The following GRM7 variants were observed in gnomAD, a reference collection of about 807,000 sequenced individuals.
GRM7 encodes the protein metabotropic glutamate receptor 7.
GRM7 carries 35 observed loss-of-function variants against 84.5 expected under a neutral mutation model. That is an observed-to-expected ratio of 0.41 (90% confidence interval 0.32 to 0.55). The LOEUF (loss-of-function observed/expected upper bound fraction) is 0.55. GRM7 is among the 20% of genes least tolerant of loss of function. GRM7 has a pLI of 0.19. For missense variants in GRM7, 1,003 were observed against 1,194.6 expected (o/e 0.84, Z 2.36); for synonymous variants, 487 against 455.1 (o/e 1.07, Z -0.89).
chr3:7,572,824 ATATATATATATATATATAT>A (rs1694746571), intron 7 of GRM7, among the ~76,000 whole-genome samples: 1 of 59,700 alleles, frequency 1.7e-5, no homozygotes, highest in Admixed American at 1.9e-4. Context: ...TCTATCTCAA[ATATATATATATATATATAT>A]ATATATATAT....
At position 6,964,079 on chromosome 3, in the gene GRM7, T is replaced by C. The variant is rs1348474064; in HGVS notation, c.519+102172T>C. Reference sequence around the variant, plus strand: ...TTCCTTACTCAATGCTTAATTGAAATTGTTATTTTGAAGATCAGCAATAGC... The same window carrying C: ...TTCCTTACTCAATGCTTAATTGAAACTGTTATTTTGAAGATCAGCAATAGC... On this transcript the variant is annotated intron_variant, in intron 1 of 9. Coordinates refer to ENST00000357716, the MANE Select transcript of GRM7 (RefSeq NM_000844.4). 2.0e-5 allele frequency among the ~76,000 whole-genome samples: 3 copies of C among 152,214 alleles called. No individual in the cohort carries two copies. The East Asian group carries it at 5.8e-4, about 29-fold the overall frequency.
chr3:7,291,886 A>T (rs532987652), intron 2 of GRM7, among the ~76,000 whole-genome samples: 2 of 152,264 alleles, frequency 1.3e-5, no homozygotes, highest in South Asian at 4.1e-4. Context: ...AGTGGGAGAT[A>T]ACTGAATCAT....
chr3:7,420,186 A>G (rs1258147316), intron 5 of GRM7, among the ~76,000 whole-genome samples: 1 of 152,174 alleles, frequency 6.6e-6, no homozygotes, highest in East Asian at 1.9e-4. Context: ...GAGCCTATAT[A>G]ATTCGTTAAC....
intron 1 of GRM7, among the ~76,000 whole-genome samples, chr3:7,093,718 A>G (rs1698754466): frequency 9.6e-6 from 1 of 103,666 alleles, no homozygotes; most frequent in Admixed American, 1.1e-4. Context: ...AAAAAAAGGT[A>G]GTTAGTGGCC....
intron 1 of GRM7, among the ~76,000 whole-genome samples, chr3:7,053,393 G>T (rs1457698436): frequency 2.0e-5 from 3 of 151,572 alleles, no homozygotes; most frequent in Middle Eastern, 3.4e-3. Flanking sequence ...TTTAAAAAAT[G>T]TTGAAGAAGT....
intron 8 of GRM7, among the ~76,000 whole-genome samples, chr3:7,648,421 C>T (rs531490861): frequency 1.4e-4 from 21 of 151,644 alleles, no homozygotes; most frequent in African/African-American, 2.4e-4. Context: ...CTGAGGCGGG[C>T]GGATCACCTG....
intron 7 of GRM7, among the ~76,000 whole-genome samples, chr3:7,464,682 G>T (rs1397803195): frequency 1.3e-5 from 2 of 151,944 alleles, no homozygotes; most frequent in East Asian, 3.9e-4. Context: ...AAAAAAATTA[G>T]CCGGGCATGG....
chr3:7,219,870 G>T (rs1027482841), intron 2 of GRM7, among the ~76,000 whole-genome samples: 16 of 152,176 alleles, frequency 1.1e-4, no homozygotes, highest in African/African-American at 3.9e-4. Context: ...TGATTCTGGA[G>T]TATCTTGTGG....
intron 9 of GRM7, among the ~76,000 whole-genome samples, chr3:7,719,434 G>A (rs1006691298): frequency 3.9e-5 from 6 of 152,100 alleles, no homozygotes; most frequent in African/African-American, 1.4e-4. Flanking sequence ...GGATTGTATT[G>A]AAGATCAATT....
chr3:7,165,991 T>C (rs189117256), intron 2 of GRM7, among the ~76,000 whole-genome samples: 2 of 152,340 alleles, frequency 1.3e-5, no homozygotes, highest in African/African-American at 4.8e-5. Context: ...AACTTGACTT[T>C]CATCAATATG....
intron 1 of GRM7, among the ~76,000 whole-genome samples, chr3:7,143,451 G>T (rs768745489): frequency 6.6e-6 from 1 of 152,012 alleles, no homozygotes; most frequent in South Asian, 2.1e-4. Flanking sequence ...GTCAAAATAA[G>T]TACCATTGGA....
At chr3:7,243,442 GT>G (rs1697636247) in intron 2 of GRM7, among the ~76,000 whole-genome samples, 2 of 152,022 alleles carry the variant, frequency 1.3e-5, no homozygotes, top group South Asian at 4.2e-4. Flanking sequence ...TGGCAAAATG[GT>G]TTCAGCACTT....
intron 1 of GRM7, among the ~76,000 whole-genome samples, chr3:7,100,025 A>G (rs1265769563): frequency 6.7e-6 from 1 of 149,018 alleles, no homozygotes; most frequent in African/African-American, 2.4e-5. Context: ...TGTAATATAC[A>G]TATATATGCA....
chr3:7,357,374 A>G (rs1238242215), intron 4 of GRM7, among the ~76,000 whole-genome samples: 2 of 151,968 alleles, frequency 1.3e-5, no homozygotes, highest in Non-Finnish European at 1.5e-5. Context: ...CTTAATTACA[A>G]TCACTTTTCC....
chr3:6,932,745 TTC>T (rs1401541813), intron 1 of GRM7, among the ~76,000 whole-genome samples: 1 of 142,316 alleles, frequency 7.0e-6, no homozygotes, highest in Non-Finnish European at 1.5e-5. Flanking sequence ...GTTTTCTTCT[TTC>T]TCTCTTTTTT....
At chr3:7,252,586 A>G (rs1698032190) in intron 2 of GRM7, among the ~76,000 whole-genome samples, 1 of 152,222 alleles carries the variant, frequency 6.6e-6, no homozygotes. Context: ...AGTTGTCAAC[A>G]TGGAAAACTT....
chr3:7,186,113 C>T (rs1695504286), intron 2 of GRM7, among the ~76,000 whole-genome samples: 1 of 152,186 alleles, frequency 6.6e-6, no homozygotes, highest in African/African-American at 2.4e-5. Flanking sequence ...CCTACTCTCC[C>T]AGCACTCTAC....
rs1272777094 is a variant in GRM7 at position 7,740,580 on chromosome 3, T to C, written c.*174T>C. The C allele has an allele frequency of 2.1e-6, 1 of 467,496 alleles. No homozygotes were observed. Among genetic ancestry groups the C allele is most frequent in the Admixed American group, 4.3e-5 (1 of 23,160 alleles). The allele number at this position is 467,496 out of a possible 1,614,324, so 29.0% of individuals were successfully genotyped here. ...TAAACAGCTGCTTTATGAAATATCC[T>C]TACTTTATCTGGGCTTAATAAGTCA... On this transcript the variant is annotated 3_prime_UTR_variant, in exon 10 of 10. Transcript: ENST00000357716.
chr3:6,906,297 G>C (rs1398542995), intron 1 of GRM7, among the ~76,000 whole-genome samples: 1 of 152,118 alleles, frequency 6.6e-6, no homozygotes, highest in Admixed American at 6.6e-5. Flanking sequence ...TGGGCAGCTG[G>C]AACAAGTTAC....
Sources: gnomAD v4.1 joint callset for allele counts (sites outside exome capture counted in the v4.1 genomes callset) on GRCh38, gnomAD v4.1.1 for gene constraint, MANE v1.5 for transcripts, NCBI Gene and HGNC (gene_info 2026-07-23, HGNC 2026-07-21) for gene names.